Variants in OLR1 observed in about 807,000 individuals in gnomAD.
OLR1 encodes the protein oxidized low-density lipoprotein receptor 1.
Under a neutral mutation model 31.7 loss-of-function variants are expected in OLR1, and 23 were observed. The observed-to-expected ratio is 0.72, with a 90% confidence interval of 0.52 to 1.03. OLR1 has a LOEUF of 1.03. OLR1 is among the 50% of genes least tolerant of loss of function. The pLI is 0.00. For missense variants in OLR1, 286 were observed against 315.7 expected (o/e 0.91, Z 0.71); for synonymous variants, 117 against 115.8 (o/e 1.01, Z -0.07).
intron 1 of OLR1, among the ~76,000 whole-genome samples, 167 bp downstream of exon 1, chr12:10,171,835 A>T (rs1948721471): frequency 6.6e-6 from 1 of 152,168 alleles, no homozygotes. Context: ...ATAAGTTGTC[A>T]TCATCATCAT....
chr12:10,160,199 G>T, intron 5 of OLR1, 148 bp downstream of exon 5: 2 of 894,902 alleles, frequency 2.2e-6, no homozygotes, highest in Non-Finnish European at 3.4e-6. Context: ...TTGTGAAAGA[G>T]GTAAGGAAGG....
intron 1 of OLR1, chr12:10,170,932 A>G (rs1281281355): frequency 1.3e-5 from 2 of 152,142 alleles, no homozygotes; most frequent in African/African-American, 4.8e-5. Flanking sequence ...TGCTGCCCCT[A>G]CTAGTGATTT....
chr12:10,174,389 G>A (rs57056622), upstream of OLR1, among the ~76,000 whole-genome samples: 8,449 of 152,164 alleles, frequency 0.056, 300 homozygotes, highest in African/African-American at 0.1. Flanking sequence ...TGGGTCATGG[G>A]GTTCCCAGAC....
chr12:10,175,172 A>G (rs775755138), upstream of OLR1: 1 of 152,146 alleles, frequency 6.6e-6, no homozygotes, highest in Non-Finnish European at 1.5e-5. Context: ...GGAGTGTAGC[A>G]GAGGTGCTGG....
intron 2 of OLR1, chr12:10,167,290 A>G: frequency 4.6e-6 from 1 of 219,198 alleles, no homozygotes; most frequent in Non-Finnish European, 9.3e-6. Flanking sequence ...ATCCTGGCCA[A>G]CATGGTGAAA....
In OLR1 at chr12:10,171,999, T is replaced by C. The variant is rs753085019; in HGVS notation, c.76+3A>G. 3 of 1,610,084 alleles carry C rather than the reference T, an allele frequency of 1.9e-6. No homozygotes were observed. The highest frequency in any genetic ancestry group is 2.6e-6 in the Non-Finnish European group (3 of 1,176,358). ...CCTGTACACATTTTCCCATCCCTAGTACCTTTAGCTTTTTTTCCATTTGAC... is the reference window on the plus strand; with the variant it reads ...CCTGTACACATTTTCCCATCCCTAGCACCTTTAGCTTTTTTTCCATTTGAC... On this transcript the variant is annotated splice_donor_region_variant and intron_variant, in intron 1 of 5. Coordinates refer to ENST00000309539, the MANE Select transcript of OLR1 (RefSeq NM_002543.4).
intron 3 of OLR1, among the ~76,000 whole-genome samples, chr12:10,165,758 C>T (rs1191526687): frequency 6.6e-6 from 1 of 150,668 alleles, no homozygotes; most frequent in Admixed American, 6.6e-5. Context: ...GCGAGACTGT[C>T]TCAAAAAATA....
upstream of OLR1, among the ~76,000 whole-genome samples, chr12:10,172,840 A>C (rs190510437): frequency 1.3e-5 from 2 of 152,204 alleles, no homozygotes; most frequent in Non-Finnish European, 2.9e-5. Flanking sequence ...TAGGAATTCA[A>C]ATGACATGTC....
chr12:10,170,367 G>C (rs1478391576), intron 1 of OLR1: 2 of 152,172 alleles, frequency 1.3e-5, no homozygotes, highest in Non-Finnish European at 2.9e-5. Context: ...GTAGAAGATA[G>C]CTGTGTCTCT....
At chr12:10,172,849 T>C (rs988274271), upstream of OLR1, among the ~76,000 whole-genome samples, 1 of 152,128 alleles carries the variant, frequency 6.6e-6, no homozygotes, top group African/African-American at 2.4e-5. Context: ...AAATGACATG[T>C]CTGGAAATTA....
At chr12:10,170,256 A>G (rs572148058) in intron 1 of OLR1, 1 of 152,360 alleles carries the variant, frequency 6.6e-6, no homozygotes, top group South Asian at 2.1e-4. Context: ...TCCACAAATG[A>G]TAAAAAGAAG....
chr12:10,158,583 G>C lies in OLR1; in HGVS notation c.*1297C>G, dbSNP rs1019566399. The C allele has an allele frequency of 1.3e-4, 20 of 152,176 alleles. 1 individual carries two copies. The highest frequency in any genetic ancestry group is 2.5e-4 in the Non-Finnish European group (17 of 68,024). 9.4% of individuals were successfully genotyped at this position (152,176 alleles called of 1,614,324 possible). A position where few individuals can be genotyped will look rare whatever the true frequency, so the allele number is the denominator to read the frequency against. On this transcript the variant is annotated 3_prime_UTR_variant, in exon 6 of 6. Transcript: ENST00000309539. The stretch of plus-strand genomic sequence containing the variant: ...AATGAAAGCCGATTGGTGGTTTTCT[G>C]GGGAGGAGTCATCAGGAGGAGCATT...
chr12:10,163,283 C>G (rs1414206475), intron 3 of OLR1, among the ~76,000 whole-genome samples: 3 of 151,908 alleles, frequency 2.0e-5, no homozygotes, highest in Non-Finnish European at 2.9e-5. Flanking sequence ...TAAGTTAAAA[C>G]CATTTGAGGA....
rs768512963 is a variant in OLR1, at chr12:10,169,119, G to T, written c.133C>A (p.Leu45Ile). 6.2e-7 allele frequency: 1 copy of T among 1,613,750 alleles called. No homozygotes were observed. Among genetic ancestry groups the T allele is most frequent in the African/African-American group, 1.3e-5 (1 of 74,872 alleles). Residue 45 changes from leucine (L) to isoleucine (I), a missense_variant, in exon 2 of 6, where the codon CTT becomes ATT. Leu to Ile is a conservative substitution (Grantham distance 5). Coordinates refer to ENST00000309539, the MANE Select transcript of OLR1 (RefSeq NM_002543.4). The stretch of plus-strand genomic sequence containing the variant: ...ATGGTCACTACTAATCCCAGGCAAA[G>T]GACCCCTAGAGTCGCAGCAGCCAGG... The part of the protein sequence containing the change: ...WCLAAATLGV[L>I]CLGLVVTIMV...
intron 3 of OLR1, among the ~76,000 whole-genome samples, chr12:10,164,556 A>C (rs1485315415): frequency 6.6e-6 from 1 of 152,234 alleles, no homozygotes; most frequent in Non-Finnish European, 1.5e-5. Context: ...GTTGAGATTA[A>C]GTAAATTGTG....
upstream of OLR1, among the ~76,000 whole-genome samples, chr12:10,173,810 A>C (rs1200843619): frequency 1.3e-5 from 2 of 151,746 alleles, no homozygotes; most frequent in African/African-American, 4.8e-5. Flanking sequence ...ACGATATCAC[A>C]CTGAAAAGGG....
At chr12:10,172,172 C>CAG (rs1948728045), upstream of OLR1, 4 of 792,906 alleles carry the variant, frequency 5.0e-6, no homozygotes, top group Non-Finnish European at 6.5e-6. Context: ...TAAATAGCTA[C>CAG]TGTTATCTAA....
At chr12:10,166,205 C>T (rs976513490) in intron 3 of OLR1, among the ~76,000 whole-genome samples, 3 of 151,450 alleles carry the variant, frequency 2.0e-5, no homozygotes, top group East Asian at 1.9e-4. Context: ...AGCAAGACTC[C>T]GTCTAAAATT....
At chr12:10,173,763 TAAA>T (rs5796383), upstream of OLR1, among the ~76,000 whole-genome samples, 24 of 130,318 alleles carry the variant, frequency 1.8e-4, no homozygotes, top group Admixed American at 1.1e-3. Flanking sequence ...AGACTCCCTT[TAAA>T]AAAAAAAAAA....
Sources: allele counts gnomAD v4.1 joint callset (sites outside exome capture counted in the v4.1 genomes callset), GRCh38; gene constraint gnomAD v4.1.1; transcripts MANE v1.5; gene names NCBI Gene and HGNC (gene_info 2026-07-23, HGNC 2026-07-21).